The following DCC variants were observed in gnomAD, a reference collection of about 807,000 sequenced individuals.
The protein encoded by DCC is DCC netrin 1 receptor.
DCC carries 58 observed loss-of-function variants against 172.5 expected under a neutral mutation model. The ratio of observed to expected loss-of-function variants is 0.34; its 90% CI spans 0.27 to 0.42. DCC has a LOEUF of 0.42. DCC is among the 10% of genes least tolerant of loss of function. The pLI is 1.00. For synonymous variants in DCC, 709 were observed against 644.5 expected, an observed-to-expected ratio of 1.10 and a Z score of -1.52; for missense variants, 1,740 against 1,791.0, an observed-to-expected ratio of 0.97 and a Z score of 0.51.
At chr18:52,741,694 A>G (rs1479287015) in intron 1 of DCC, among the ~76,000 whole-genome samples, 1 of 152,174 alleles carries the variant, frequency 6.6e-6, no homozygotes, top group Non-Finnish European at 1.5e-5. Context: ...ATGAGGTCCC[A>G]TTGAATCTCA....
At chr18:52,417,445 T>C (rs1478491063) in intron 1 of DCC, among the ~76,000 whole-genome samples, 2 of 152,290 alleles carry the variant, frequency 1.3e-5, no homozygotes, top group East Asian at 1.9e-4. Flanking sequence ...GAAGTTCTCC[T>C]GGATAATATC....
At chr18:52,969,017 C>CAA (rs200165168) in intron 5 of DCC, among the ~76,000 whole-genome samples, 100 of 150,430 alleles carry the variant, frequency 6.6e-4, no homozygotes, top group African/African-American at 2.3e-3. Flanking sequence ...ACAACAACAA[C>CAA]AAAAAAAAAC....
intron 2 of DCC, among the ~76,000 whole-genome samples, chr18:52,859,625 T>C (rs747287178): frequency 2.6e-5 from 4 of 152,156 alleles, no homozygotes; most frequent in African/African-American, 9.7e-5. Flanking sequence ...GTATCAGATA[T>C]TCAGTTAATC....
At chr18:52,793,169 GA>G (rs1369361859) in intron 2 of DCC, among the ~76,000 whole-genome samples, 3 of 152,202 alleles carry the variant, frequency 2.0e-5, no homozygotes, top group Admixed American at 6.5e-5. Context: ...AGCCCATGGG[GA>G]AGGATTGTCA....
intron 12 of DCC, among the ~76,000 whole-genome samples, chr18:53,264,289 C>A (rs1568400075): frequency 1.3e-5 from 2 of 151,888 alleles, no homozygotes; most frequent in Non-Finnish European, 2.9e-5. Flanking sequence ...GAGTTCAAGA[C>A]CAGCCTGGCT....
intron 1 of DCC, among the ~76,000 whole-genome samples, chr18:52,644,936 C>T (rs1010889613): frequency 3.3e-5 from 5 of 151,260 alleles, no homozygotes; most frequent in Admixed American, 3.3e-4. Context: ...AGCATTGACC[C>T]CATATATAGC....
chr18:53,500,658 A>G (rs1340285721), intron 27 of DCC, among the ~76,000 whole-genome samples: 1 of 151,822 alleles, frequency 6.6e-6, no homozygotes, highest in African/African-American at 2.4e-5. Context: ...CAACATTCAC[A>G]TGATGTGCAA....
intron 2 of DCC, among the ~76,000 whole-genome samples, chr18:52,880,508 C>T (rs1458833322): frequency 6.6e-6 from 1 of 152,124 alleles, no homozygotes; most frequent in Non-Finnish European, 1.5e-5. Context: ...CCCCCTGAAA[C>T]CCCTACTACC....
At position 53,531,695 on chromosome 18, in the gene DCC, G is replaced by C. The variant is rs1355884876; in HGVS notation, c.*1042G>C. 1.3e-5 allele frequency: 2 copies of C among 152,138 alleles called. No homozygotes were observed. Among genetic ancestry groups the C allele is most frequent in the African/African-American group, 4.8e-5 (2 of 41,420 alleles). The allele number at this position is 152,138 out of a possible 1,614,324, so 9.4% of individuals were successfully genotyped here. On this transcript the variant is annotated 3_prime_UTR_variant, in exon 29 of 29. Coordinates refer to ENST00000442544, the MANE Select transcript of DCC (RefSeq NM_005215.4). ...AGAAATGGCAGACTCCCTGAGAGCA[G>C]GAAGAGAAGGAAAATAAAAGGTAGC...
chr18:53,235,465 C>G (rs1359391506), intron 12 of DCC, among the ~76,000 whole-genome samples: 1 of 152,120 alleles, frequency 6.6e-6, no homozygotes, highest in Admixed American at 6.5e-5. Flanking sequence ...TCTGCAGATT[C>G]TTGTCTTCCA....
Position 52,870,139 on chromosome 18 carries a change from G to A in DCC, c.413-35905G>A, listed in dbSNP as rs1311336925. On this transcript the variant is annotated intron_variant, in intron 2 of 28. Coordinates refer to ENST00000442544, the MANE Select transcript of DCC (RefSeq NM_005215.4). ...GGGTGGGGCTCCCACTGGCTCCGGG[G>A]AGTGCTGCACGAGCTGCGGCCCAGA... 2.0e-5 allele frequency among the ~76,000 whole-genome samples: 3 copies of A among 152,182 alleles called. No homozygotes were observed. The South Asian group carries it at 6.2e-4, about 32-fold the overall frequency.
chr18:52,922,784 G>A (rs2040145331), intron 3 of DCC, among the ~76,000 whole-genome samples: 3 of 152,142 alleles, frequency 2.0e-5, no homozygotes, highest in Admixed American at 1.3e-4. Context: ...GGCATTATCA[G>A]TAGAGCTTAT....
chr18:52,931,755 A>G (rs1349176312), intron 5 of DCC: 1 of 152,074 alleles, frequency 6.6e-6, no homozygotes, highest in African/African-American at 2.4e-5. Flanking sequence ...TTTCTTTATC[A>G]TAGCCATTTA....
At chr18:52,700,390 T>TGCACATGCACACACACAC (rs1209639534) in intron 1 of DCC, among the ~76,000 whole-genome samples, 4 of 150,162 alleles carry the variant, frequency 2.7e-5, no homozygotes, top group African/African-American at 7.4e-5. Context: ...TGCACACTCA[T>TGCACATGCACACACACAC]GCACATGCAC....
chr18:53,112,742 G>A (rs1279478477), intron 7 of DCC, among the ~76,000 whole-genome samples: 1 of 151,312 alleles, frequency 6.6e-6, no homozygotes, highest in African/African-American at 2.4e-5. Context: ...GGATTCTTGG[G>A]GTAGAATTGG....
At chr18:53,223,905 ATT>A (rs1178980502) in intron 12 of DCC, among the ~76,000 whole-genome samples, 1 of 152,176 alleles carries the variant, frequency 6.6e-6, no homozygotes, top group Non-Finnish European at 1.5e-5. Flanking sequence ...TCCCAAAGGT[ATT>A]TTGTGCCTGG....
At chr18:53,390,264 T>TC (rs1555663327) in intron 16 of DCC, among the ~76,000 whole-genome samples, 125 of 102,612 alleles carry the variant, frequency 1.2e-3, no homozygotes, top group Middle Eastern at 5.1e-3. Context: ...TCTCTCTCTC[T>TC]CCTTTTATTT....
intron 1 of DCC, among the ~76,000 whole-genome samples, chr18:52,410,851 G>A (rs1256274298): frequency 6.6e-6 from 1 of 152,074 alleles, no homozygotes; most frequent in Non-Finnish European, 1.5e-5. Context: ...ATACAATATT[G>A]GATGATAGAG....
chr18:52,445,659 C>T (rs1272128400), intron 1 of DCC, among the ~76,000 whole-genome samples: 1 of 152,114 alleles, frequency 6.6e-6, no homozygotes, highest in African/African-American at 2.4e-5. Context: ...AATATGTAAG[C>T]TGGGGATTTT....
Sources: allele counts gnomAD v4.1 joint callset (sites outside exome capture counted in the v4.1 genomes callset), GRCh38; gene constraint gnomAD v4.1.1; transcripts MANE v1.5; gene names NCBI Gene and HGNC (gene_info 2026-07-23, HGNC 2026-07-21).